Variants in PLEKHG3 observed in about 807,000 individuals in gnomAD.
PLEKHG3 encodes pleckstrin homology and RhoGEF domain containing G3.
In PLEKHG3, 62 loss-of-function variants were observed where a neutral mutation model predicts 94.9. The observed-to-expected ratio is 0.65, with a 90% CI of 0.53 to 0.81. The LOEUF (loss-of-function observed/expected upper bound fraction) is 0.81. Ranked by LOEUF, PLEKHG3 falls within the 30% of genes least tolerant of loss-of-function variation. The probability of loss-of-function intolerance (pLI) is 0.00; values close to 1 mark genes in which losing one functional copy is unlikely to be tolerated. For missense variants in PLEKHG3, 1,461 were observed against 1,619.3 expected (o/e 0.90, Z 1.68); for synonymous variants, 614 against 654.0 (o/e 0.94, Z 0.93).
At position 64,715,710 on chromosome 14, in the gene PLEKHG3, C is replaced by A; in HGVS notation, c.-40+11006C>A. 3.6e-6 allele frequency: 1 copy of A among 276,210 alleles called. No individual in the cohort carries two copies. Among genetic ancestry groups the A allele is most frequent in the Non-Finnish European group, 7.1e-6 (1 of 140,186 alleles). The allele number at this position is 276,210 out of a possible 1,614,324, so 17.1% of individuals were successfully genotyped here. On this transcript the variant is annotated intron_variant, in intron 1 of 16. Transcript: ENST00000247226. The surrounding 1 kb of genome is among the most constrained non-coding windows in gnomAD (Gnocchi z 4.4). The stretch of plus-strand genomic sequence containing the variant: ...TATTTGATTCCTGCAGTTAGTATCC[C>A]CTGTGCTTAATTGCTGGAGGTTTGT...
In PLEKHG3 at chr14:64,731,204, GGCT is replaced by G; in HGVS notation, c.849+37_849+39del. 2 of 1,568,610 alleles carry G rather than the reference GGCT, an allele frequency of 1.3e-6. No homozygotes were observed. The highest frequency in any genetic ancestry group is 1.7e-6 in the Non-Finnish European group (2 of 1,145,084). ...GGCTGGGACGCTGGGGGAGGGGCAG[GGCT>G]GGGTGGGCCAGGCTTCCGCTGGGAA... On this transcript the variant is annotated intron_variant, in intron 7 of 16. Transcript: ENST00000247226. This position sits in a 1 kb window ranked among gnomAD's most constrained non-coding sequence, Gnocchi z 6.1.
Position 64,727,000 on chromosome 14 carries a change from C to A in PLEKHG3, c.-39-593C>A, listed in dbSNP as rs2081364295. Among the ~76,000 whole-genome samples, 1 of 152,196 alleles carries A rather than the reference C, an allele frequency of 6.6e-6. No individual in the cohort carries two copies. Among genetic ancestry groups the A allele is most frequent in the Admixed American group, 6.5e-5 (1 of 15,286 alleles). On this transcript the variant is annotated intron_variant, in intron 1 of 16. Transcript: ENST00000247226. The surrounding 1 kb of genome is among the most constrained non-coding windows in gnomAD (Gnocchi z 5.1). ...CAGACAGGGGGGCACTTGGGAAGTT[C>A]TTCTTCACAACTGCCATTATTATCA...
Position 64,731,753 on chromosome 14 carries a change from C to T in PLEKHG3, c.1072C>T (p.Leu358=), listed in dbSNP as rs1275919088. 1 of 1,613,658 alleles carries T rather than the reference C, an allele frequency of 6.2e-7. No individual in the cohort carries two copies. The highest frequency in any genetic ancestry group is 1.1e-5 in the South Asian group (1 of 91,070). ...LMLIESTRDS[L]CFTVTHYKHS... is the part of the protein sequence containing the mutation. ...GCTGATCGAAAGCACCAGAGACTCC[C>T]TGTGCTTCACTGTCACCCACTACAA... The change falls in exon 9 of 17, where the codon CTG becomes TTG. Residue 358 remains leucine, a synonymous_variant. Transcript: ENST00000247226. The surrounding 1 kb of genome is among the most constrained non-coding windows in gnomAD (Gnocchi z 6.1).
rs1024915785 is a variant in PLEKHG3, at chr14:64,749,129, G to A, written c.*5426G>A. On this transcript the variant is annotated 3_prime_UTR_variant, in exon 17 of 17. Coordinates refer to ENST00000247226, the MANE Select transcript of PLEKHG3 (RefSeq NM_001308147.2). The surrounding 1 kb of genome is among the most constrained non-coding windows in gnomAD (Gnocchi z 4.7). ...GCGCGGGCGAGGGCATGGAGGGGGC[G>A]TCGGCCCAGGACACGCGGGCGAAGG... is the stretch of plus-strand genomic sequence containing the variant. 10 of 661,804 alleles carry A rather than the reference G, an allele frequency of 1.5e-5. No individual in the cohort carries two copies. Among genetic ancestry groups the A allele is most frequent in the East Asian group, 6.7e-5 (2 of 29,644 alleles). The allele number at this position is 661,804 out of a possible 1,614,324, so 41.0% of individuals were successfully genotyped here. A position where few individuals can be genotyped will look rare whatever the true frequency, so the allele number is the denominator to read the frequency against.
intron 13 of PLEKHG3, 174 bp downstream of exon 13, chr14:64,737,065 G>T (rs1251511886): frequency 7.7e-5 from 53 of 685,182 alleles, no homozygotes; most frequent in South Asian, 6.4e-4. Context: ...TGGCTGAGGA[G>T]AGGGGCTGGA....
chr14:64,738,364 C>G lies in PLEKHG3; in HGVS notation c.1405-378C>G, dbSNP rs986838652. 1.2e-5 allele frequency: 5 copies of G among 427,330 alleles called. No individual in the cohort carries two copies. The highest frequency in any genetic ancestry group is 2.1e-5 in the Non-Finnish European group (5 of 235,334). The allele number at this position is 427,330 out of a possible 1,614,324, so 26.5% of individuals were successfully genotyped here. Reference sequence around the variant, plus strand: ...CCCCTCAGCACTTAACACCATCGCTCGCTGTCACACCCTGGTGAGCCCCTG... The same window carrying G: ...CCCCTCAGCACTTAACACCATCGCTGGCTGTCACACCCTGGTGAGCCCCTG... On this transcript the variant is annotated intron_variant, in intron 14 of 16. Coordinates refer to ENST00000247226, the MANE Select transcript of PLEKHG3 (RefSeq NM_001308147.2). The surrounding 1 kb of genome is among the most constrained non-coding windows in gnomAD (Gnocchi z 4.8).
Position 64,717,839 on chromosome 14 carries a change from C to A in PLEKHG3, c.-39-9754C>A, listed in dbSNP as rs1490642908. Among the ~76,000 whole-genome samples the A allele has an allele frequency of 1.3e-5, 2 of 152,214 alleles. 1 individual carries two copies. The highest frequency in any genetic ancestry group is 2.9e-5 in the Non-Finnish European group (2 of 68,044). ...CCACAGCCCATATCATGGTTTGGAC[C>A]TTTTTAGGGCACATTCTGACACCTC... is the stretch of plus-strand genomic sequence containing the variant. On this transcript the variant is annotated intron_variant, in intron 1 of 16. Transcript: ENST00000247226. This position sits in a 1 kb window ranked among gnomAD's most constrained non-coding sequence, Gnocchi z 4.7.
rs1442233212 is a variant in PLEKHG3 at position 64,718,026 on chromosome 14, T to G, written c.-39-9567T>G. Among the ~76,000 whole-genome samples, 1 of 152,196 alleles carries G rather than the reference T, an allele frequency of 6.6e-6. No individual in the cohort carries two copies. Among genetic ancestry groups the G allele is most frequent in the East Asian group, 1.9e-4 (1 of 5,196 alleles). ...AGTTGCCCGGGGCGTGGGGGTGGTCTGGGTCCTCTCGGGACTCAGCTGCTC... is the reference window on the plus strand; with the variant it reads ...AGTTGCCCGGGGCGTGGGGGTGGTCGGGGTCCTCTCGGGACTCAGCTGCTC... On this transcript the variant is annotated intron_variant, in intron 1 of 16. Transcript: ENST00000247226. This position sits in a 1 kb window ranked among gnomAD's most constrained non-coding sequence, Gnocchi z 5.0.
At chr14:64,705,465 G>A (rs2080956321) in intron 1 of PLEKHG3, among the ~76,000 whole-genome samples, 3 of 152,194 alleles carry the variant, frequency 2.0e-5, no homozygotes, top group Admixed American at 2.0e-4. Context: ...TGGGGAGGGT[G>A]TTGTTAGAGG....
Position 64,732,186 on chromosome 14 carries a change from GT to G in PLEKHG3, c.1212+7del. The G allele has an allele frequency of 6.2e-7, 1 of 1,610,316 alleles. No homozygotes were observed. Among genetic ancestry groups the G allele is most frequent in the Non-Finnish European group, 8.5e-7 (1 of 1,176,586 alleles). ...CATGCCACCATTCCCCAGAAGGTGA[GT>G]TCCCCCAGCTCCTGACTGTGTGCAA... On this transcript the variant is annotated splice_donor_region_variant and intron_variant, in intron 10 of 16. Coordinates refer to ENST00000247226, the MANE Select transcript of PLEKHG3 (RefSeq NM_001308147.2). The surrounding 1 kb of genome is among the most constrained non-coding windows in gnomAD (Gnocchi z 4.9).
chr14:64,711,201 G>C (rs557391584), intron 1 of PLEKHG3, among the ~76,000 whole-genome samples: 63 of 152,156 alleles, frequency 4.1e-4, no homozygotes, highest in Admixed American at 7.2e-4. Context: ...TTTGGAGCCC[G>C]CTCTTAGCCC....
chr14:64,711,418 G>GT (rs71444671), intron 1 of PLEKHG3, among the ~76,000 whole-genome samples: 3,216 of 142,400 alleles, frequency 0.023, 45 homozygotes, highest in Non-Finnish European at 0.031. Flanking sequence ...CTTTTTTTTT[G>GT]TTTTTTTTTT....
intron 1 of PLEKHG3, among the ~76,000 whole-genome samples, chr14:64,706,862 G>T (rs1236400949): frequency 1.3e-5 from 2 of 152,240 alleles, no homozygotes; most frequent in African/African-American, 4.8e-5. Flanking sequence ...CCTTGTGAAG[G>T]CTCCAGCTGT....
chr14:64,737,322 C>T (rs368532779), intron 13 of PLEKHG3, 34 bp from the exon 14 acceptor site: 146 of 1,592,454 alleles, frequency 9.2e-5, no homozygotes, highest in Middle Eastern at 1.7e-4. Flanking sequence ...GCCCCTCGCC[C>T]GTGTGCTGGG....
rs143586488 is a variant in PLEKHG3 at position 64,734,590 on chromosome 14, T to A, written c.1345+1689T>A. ...CCAAGGCACTCAGGAAATGAGCCAT[T>A]TTAAAGAGCTGAAGTTTCCACATGG... On this transcript the variant is annotated intron_variant, in intron 12 of 16. Coordinates refer to ENST00000247226, the MANE Select transcript of PLEKHG3 (RefSeq NM_001308147.2). 5.4e-3 allele frequency among the ~76,000 whole-genome samples: 815 copies of A among 152,324 alleles called. 10 individuals are homozygous for A. Among genetic ancestry groups the A allele is most frequent in the African/African-American group, 0.019 (779 of 41,562 alleles).
chr14:64,725,589 C>G lies in PLEKHG3; in HGVS notation c.-39-2004C>G, dbSNP rs1287066751. Among the ~76,000 whole-genome samples, 1 of 152,148 alleles carries G rather than the reference C, an allele frequency of 6.6e-6. No individual in the cohort carries two copies. Among genetic ancestry groups the G allele is most frequent in the African/African-American group, 2.4e-5 (1 of 41,416 alleles). The stretch of plus-strand genomic sequence containing the variant: ...GAGGAGGGAGGAAAAAGCAACAGCC[C>G]TACAATTCCCAGGGGGCTCTCTTCT... On this transcript the variant is annotated intron_variant, in intron 1 of 16. Coordinates refer to ENST00000247226, the MANE Select transcript of PLEKHG3 (RefSeq NM_001308147.2). The surrounding 1 kb of genome is among the most constrained non-coding windows in gnomAD (Gnocchi z 5.0).
chr14:64,710,859 A>C (rs566333452), intron 1 of PLEKHG3, among the ~76,000 whole-genome samples: 1 of 151,562 alleles, frequency 6.6e-6, no homozygotes, highest in African/African-American at 2.4e-5. Flanking sequence ...ATGACTTGGC[A>C]CACCTTGGGT....
chr14:64,736,437 G>A (rs969989736), intron 12 of PLEKHG3, among the ~76,000 whole-genome samples: 4 of 152,238 alleles, frequency 2.6e-5, no homozygotes, highest in Non-Finnish European at 5.9e-5. Flanking sequence ...TAGCTGATGC[G>A]CTGATATGCT....
At position 64,718,625 on chromosome 14, in the gene PLEKHG3, GATCAT is replaced by G. The variant is rs1345049067; in HGVS notation, c.-39-8966_-39-8962del. On this transcript the variant is annotated intron_variant, in intron 1 of 16. Transcript: ENST00000247226. The surrounding 1 kb of genome is among the most constrained non-coding windows in gnomAD (Gnocchi z 5.0). The stretch of plus-strand genomic sequence containing the variant: ...ACAAAGAGCCCGCTGACTTGCTCCT[GATCAT>G]ACAGTGGCTAGGCAGAGCCAGGGTA... Among the ~76,000 whole-genome samples the G allele has an allele frequency of 6.6e-6, 1 of 152,198 alleles. No homozygotes were observed. The highest frequency in any genetic ancestry group is 1.9e-4 in the East Asian group (1 of 5,200).
Sources: allele counts gnomAD v4.1 joint callset (sites outside exome capture counted in the v4.1 genomes callset), GRCh38; gene constraint gnomAD v4.1.1; non-coding constraint Gnocchi (gnomAD v3.1); transcripts MANE v1.5; gene names NCBI Gene and HGNC (gene_info 2026-07-23, HGNC 2026-07-21).